CLOCK: variants seen among roughly 807,000 people sequenced by gnomAD.
CLOCK encodes clock circadian regulator.
Under a neutral mutation model 118.4 loss-of-function variants are expected in CLOCK, and 43 were observed. The ratio of observed to expected loss-of-function variants is 0.36; its 90% CI spans 0.28 to 0.47. The LOEUF (loss-of-function observed/expected upper bound fraction) is 0.47. CLOCK is among the 20% of genes least tolerant of loss of function. The probability of loss-of-function intolerance (pLI) is 1.00; values close to 1 mark genes in which losing one functional copy is unlikely to be tolerated. For missense variants in CLOCK, 846 were observed against 999.9 expected, an observed-to-expected ratio of 0.85 and a Z score of 2.08; for synonymous variants, 326 against 339.2, an observed-to-expected ratio of 0.96 and a Z score of 0.43.
intron 14 of CLOCK, 94 bp from the exon 15 acceptor site, chr4:55,453,223 C>T (rs540439875): frequency 5.6e-4 from 568 of 1,012,670 alleles, no homozygotes; most frequent in Non-Finnish European, 3.0e-4. Context: ...CGTGTCTCAT[C>T]TGTTCATCTA....
rs531836341 is a variant in CLOCK, at chr4:55,538,846, T to G, written c.-290+7936A>C. On this transcript the variant is annotated intron_variant, in intron 1 of 22. Transcript: ENST00000513440. Reference sequence around the variant, plus strand: ...GCCTTCAATAAGACTGGTAGCTGACTTCAACAAAAAGAAAGGAAGACAGAA... The same window carrying G: ...GCCTTCAATAAGACTGGTAGCTGACGTCAACAAAAAGAAAGGAAGACAGAA... Among the ~76,000 whole-genome samples, 110 of 152,336 alleles carry G rather than the reference T, an allele frequency of 7.2e-4. 1 individual carries two copies. Among genetic ancestry groups the G allele is most frequent in the Middle Eastern group, 3.4e-3 (1 of 294 alleles).
chr4:55,498,639 CTGTT>C lies in CLOCK; in HGVS notation c.-135-9178_-135-9175del, dbSNP rs577954375. On this transcript the variant is annotated intron_variant, in intron 2 of 22. Coordinates refer to ENST00000513440, the MANE Select transcript of CLOCK (RefSeq NM_004898.4). ...TATTATTATTATTTTAACCCACTGA[CTGTT>C]TGATCCTTACCCTAAAATGACAAGG... 6.7e-3 allele frequency among the ~76,000 whole-genome samples: 993 copies of C among 148,056 alleles called. 5 individuals carry two copies. The highest frequency in any genetic ancestry group is 0.017 in the South Asian group (79 of 4,530).
At position 55,521,822 on chromosome 4, in the gene CLOCK, TG is replaced by T. The variant is rs199586164; in HGVS notation, c.-289-11758del. Among the ~76,000 whole-genome samples the T allele has an allele frequency of 9.7e-3, 1,479 of 152,304 alleles. 27 individuals carry two copies. The highest frequency in any genetic ancestry group is 0.034 in the African/African-American group (1,411 of 41,560). On this transcript the variant is annotated intron_variant, in intron 1 of 22. Coordinates refer to ENST00000513440, the MANE Select transcript of CLOCK (RefSeq NM_004898.4). ...TGTCCATATGGTATGCATATATGAG[TG>T]TGTATGTAACTAGACAAACTGATCT...
intron 17 of CLOCK, 45 bp downstream of exon 17, chr4:55,449,351 T>A (rs1348390079): frequency 6.7e-7 from 1 of 1,503,014 alleles, no homozygotes; most frequent in Non-Finnish European, 9.3e-7. Context: ...ATTTTTCCCC[T>A]CTTAATAAAT....
intron 3 of CLOCK, among the ~76,000 whole-genome samples, chr4:55,484,815 G>A (rs1727183145): frequency 6.6e-6 from 1 of 152,152 alleles, no homozygotes; most frequent in South Asian, 2.1e-4. Context: ...TATACTACAG[G>A]AAAAGCCTTG....
chr4:55,534,814 T>C (rs997987483), intron 1 of CLOCK, among the ~76,000 whole-genome samples: 1 of 152,142 alleles, frequency 6.6e-6, no homozygotes, highest in Non-Finnish European at 1.5e-5. Context: ...TGGAGAGGTA[T>C]ACTGTGTTCA....
At chr4:55,529,555 A>G (rs1400435217) in intron 1 of CLOCK, among the ~76,000 whole-genome samples, 1 of 152,230 alleles carries the variant, frequency 6.6e-6, no homozygotes, top group Non-Finnish European at 1.5e-5. Context: ...AAGTATTCTC[A>G]AAGGACTACT....
chr4:55,529,948 C>T (rs971873853), intron 1 of CLOCK, among the ~76,000 whole-genome samples: 2 of 151,958 alleles, frequency 1.3e-5, no homozygotes, highest in African/African-American at 4.8e-5. Context: ...TGTCAAAATA[C>T]AGAATAAAAA....
intron 1 of CLOCK, among the ~76,000 whole-genome samples, chr4:55,522,528 C>A: frequency 2.7e-5 from 4 of 149,794 alleles, no homozygotes; most frequent in Admixed American, 6.6e-5. Context: ...GCATAAAGAA[C>A]GAATAAACAT....
chr4:55,460,025 T>C (rs966362637), intron 9 of CLOCK, among the ~76,000 whole-genome samples: 2 of 152,198 alleles, frequency 1.3e-5, no homozygotes, highest in African/African-American at 4.8e-5. Context: ...CACTAATTAT[T>C]TGGTATTATA....
chr4:55,475,433 T>TTA (rs1726441830), intron 7 of CLOCK, among the ~76,000 whole-genome samples: 1 of 152,180 alleles, frequency 6.6e-6, no homozygotes, highest in South Asian at 2.1e-4. Flanking sequence ...TAAATTTAGT[T>TTA]GATAGAGCAG....
At chr4:55,468,019 T>A (rs963826372) in intron 8 of CLOCK, among the ~76,000 whole-genome samples, 2 of 152,348 alleles carry the variant, frequency 1.3e-5, no homozygotes, top group East Asian at 1.9e-4. Context: ...TTATAAGGTA[T>A]GAAGTATCAG....
At chr4:55,532,584 A>G (rs1730625684) in intron 1 of CLOCK, among the ~76,000 whole-genome samples, 1 of 152,212 alleles carries the variant, frequency 6.6e-6, no homozygotes, top group Non-Finnish European at 1.5e-5. Context: ...AAAAGAGGAA[A>G]GGCAAACCAT....
At position 55,489,878 on chromosome 4, in the gene CLOCK, CAT is replaced by C. The variant is rs1727555258; in HGVS notation, c.-135-415_-135-414del. ...TTATATATAAGCCCCATGGTAATCA[CAT>C]GTGAGGACTGACACAAGAAAATGAG... On this transcript the variant is annotated intron_variant, in intron 2 of 22. Coordinates refer to ENST00000513440, the MANE Select transcript of CLOCK (RefSeq NM_004898.4). Among the ~76,000 whole-genome samples, 8 of 151,964 alleles carry C rather than the reference CAT, an allele frequency of 5.3e-5. No homozygotes were observed. In the South Asian group the frequency reaches 1.7e-3, roughly 32 times the overall value.
chr4:55,435,653 A>G, intron 22 of CLOCK, 59 bp from the exon 23 acceptor site: 1 of 1,538,174 alleles, frequency 6.5e-7, no homozygotes. Context: ...CCCACATAAT[A>G]GTTACTCACA....
intron 2 of CLOCK, among the ~76,000 whole-genome samples, chr4:55,495,094 T>C (rs1479557291): frequency 6.6e-6 from 1 of 152,152 alleles, no homozygotes; most frequent in African/African-American, 2.4e-5. Context: ...AATCCCATTA[T>C]GCCCTCCATT....
intron 3 of CLOCK, 38 bp from the exon 4 acceptor site, chr4:55,482,866 T>C (rs1727027094): frequency 1.0e-6 from 1 of 990,686 alleles, no homozygotes; most frequent in Non-Finnish European, 1.6e-6. Context: ...ATTAGTTTTC[T>C]AAAAATGTTA....
chr4:55,470,722 A>G lies in CLOCK; in HGVS notation c.433T>C (p.Leu145=). ...SESVTSLLEH[L]PSDLVDQSIF... is the part of the protein sequence containing the mutation. ...TGTAGGATCTTTATACTTACTGGTA[A>G]ATGTTCAAGTAATGAAGTTACACTC... Residue 145 remains leucine (L), a synonymous_variant, in exon 8 of 23, where the codon TTA becomes CTA. Coordinates refer to ENST00000513440, the MANE Select transcript of CLOCK (RefSeq NM_004898.4). 6.3e-7 allele frequency: 1 copy of G among 1,589,134 alleles called. No individual in the cohort carries two copies. Among genetic ancestry groups the G allele is most frequent in the Non-Finnish European group, 8.6e-7 (1 of 1,157,852 alleles).
rs17085864 is a variant in CLOCK, at chr4:55,526,541, A to C, written c.-289-16476T>G. Among the ~76,000 whole-genome samples, 1,474 of 152,302 alleles carry C rather than the reference A, an allele frequency of 9.7e-3. 28 individuals carry two copies. The highest frequency in any genetic ancestry group is 0.034 in the African/African-American group (1,406 of 41,562). ...TCTCAACAGTAGCAATGTCACATTC[A>C]AGAAGGCAAAGAAATCTTAAACAGT... On this transcript the variant is annotated intron_variant, in intron 1 of 22. Coordinates refer to ENST00000513440, the MANE Select transcript of CLOCK (RefSeq NM_004898.4).
Sources: allele counts gnomAD v4.1 joint callset (sites outside exome capture counted in the v4.1 genomes callset), GRCh38; gene constraint gnomAD v4.1.1; transcripts MANE v1.5; gene names NCBI Gene and HGNC (gene_info 2026-07-23, HGNC 2026-07-21).